Variants in FAAH2 observed in about 807,000 individuals in gnomAD.
FAAH2 encodes the protein fatty-acid amide hydrolase 2.
FAAH2 carries 60 observed loss-of-function variants against 36.9 expected under a neutral mutation model. The ratio of observed to expected loss-of-function variants is 1.63; its 90% CI spans 1.32 to 2.02. The LOEUF (loss-of-function observed/expected upper bound fraction) is 2.02. FAAH2 is among the 30% of genes most tolerant of loss of function. The pLI is 0.00. For synonymous variants in FAAH2, 214 were observed against 143.8 expected, an observed-to-expected ratio of 1.49 and a Z score of -3.49; for missense variants, 689 against 397.5, an observed-to-expected ratio of 1.73 and a Z score of -6.23.
At chrX:57,478,249 G>C (rs1372293803) in intron 10 of FAAH2, among the ~76,000 whole-genome samples, 2 of 111,877 alleles carry the variant, frequency 1.8e-5, no homozygotes, top group Non-Finnish European at 3.8e-5. Flanking sequence ...GTAATGGTGA[G>C]CATTTTTTCA....
At chrX:57,189,761 C>T in the FAAH2 span, among the ~76,000 whole-genome samples, 1 of 111,675 alleles carries the variant, frequency 9.0e-6, no homozygotes, top group Non-Finnish European at 1.9e-5. Context: ...CCTCTGGAAG[C>T]TTCATCCCAG....
chrX:57,193,713 A>C, the FAAH2 span, among the ~76,000 whole-genome samples: 1 of 111,932 alleles, frequency 8.9e-6, no homozygotes, highest in South Asian at 3.7e-4. Flanking sequence ...TATCGGGGGC[A>C]CATTCCCCGA....
chrX:57,170,049 C>A, the FAAH2 span, among the ~76,000 whole-genome samples: 2 of 111,687 alleles, frequency 1.8e-5, no homozygotes, highest in Non-Finnish European at 3.8e-5. Flanking sequence ...CGGCACACTG[C>A]AGCCTCAAAC....
chrX:57,322,588 T>C (rs1309608050), intron 3 of FAAH2, among the ~76,000 whole-genome samples: 1 of 111,656 alleles, frequency 9.0e-6, no homozygotes, highest in Non-Finnish European at 1.9e-5. Context: ...TATCCTGAAA[T>C]ATATTTTCTA....
the FAAH2 span, among the ~76,000 whole-genome samples, chrX:57,275,087 C>T: frequency 8.9e-6 from 1 of 111,826 alleles, no homozygotes; most frequent in Non-Finnish European, 1.9e-5. Context: ...GTGCAAAAAT[C>T]ACAGGCATTC....
At chrX:57,234,564 G>A in the FAAH2 span, among the ~76,000 whole-genome samples, 5 of 111,493 alleles carry the variant, frequency 4.5e-5, no homozygotes, top group Admixed American at 3.8e-4. Context: ...CCTGCAACTG[G>A]ACAGTCCCAT....
At chrX:57,358,006 T>C (rs1380410785) in intron 5 of FAAH2, among the ~76,000 whole-genome samples, 2 of 111,014 alleles carry the variant, frequency 1.8e-5, no homozygotes, top group African/African-American at 6.5e-5. Context: ...TATGCAGCCA[T>C]AAAAAAAGGA....
chrX:57,349,818 C>CA (rs778455297), intron 5 of FAAH2, among the ~76,000 whole-genome samples: 1 of 109,563 alleles, frequency 9.1e-6, no homozygotes, highest in East Asian at 2.9e-4. Flanking sequence ...GAGGATAGAT[C>CA]AAAGCTTAGA....
chrX:57,405,569 C>G (rs2055547812), intron 7 of FAAH2, among the ~76,000 whole-genome samples: 1 of 108,183 alleles, frequency 9.2e-6, no homozygotes, highest in Non-Finnish European at 1.9e-5. Flanking sequence ...TGGCGGCAAA[C>G]AGCAGTGGTG....
intron 7 of FAAH2, 148 bp from the exon 8 acceptor site, chrX:57,431,770 T>G: frequency 5.1e-6 from 1 of 196,059 alleles, no homozygotes; most frequent in African/African-American, 5.2e-5. Flanking sequence ...TTTGTTTTTT[T>G]GTTTTTTTGT....
intron 10 of FAAH2, among the ~76,000 whole-genome samples, chrX:57,457,314 C>T (rs890711003): frequency 1.8e-4 from 20 of 111,226 alleles, no homozygotes; most frequent in Middle Eastern, 4.6e-3. Flanking sequence ...ATAGTAAAAG[C>T]CATCTACGAC....
At chrX:57,371,657 A>C (rs868256796) in intron 5 of FAAH2, among the ~76,000 whole-genome samples, 1 of 108,664 alleles carries the variant, frequency 9.2e-6, no homozygotes, top group Admixed American at 9.9e-5. Context: ...GTTACTTTCA[A>C]CTTTTACTTC....
intron 2 of FAAH2, among the ~76,000 whole-genome samples, chrX:57,302,759 A>G (rs770028991): frequency 9.0e-6 from 1 of 111,353 alleles, no homozygotes; most frequent in African/African-American, 3.3e-5. Context: ...AAACCCTCTC[A>G]GACCTCAATA....
At position 57,381,038 on chromosome X, in the gene FAAH2, A is replaced by G; in HGVS notation, c.996+9A>G. The G allele has an allele frequency of 8.8e-7, 1 of 1,135,795 alleles. No individual in the cohort carries two copies. Among genetic ancestry groups the G allele is most frequent in the South Asian group, 2.0e-5 (1 of 50,647 alleles). The allele number at this position is 1,135,795 out of a possible 1,213,427, so 93.6% of individuals were successfully genotyped here. On this transcript the variant is annotated intron_variant, in intron 7 of 10. Coordinates refer to ENST00000374900, the MANE Select transcript of FAAH2 (RefSeq NM_174912.4). ...TTATGACTCAGAAAAAGGTAATTTTAAATAAAATTTGTTTAGGAATTATTT... is the reference window on the plus strand; with the variant it reads ...TTATGACTCAGAAAAAGGTAATTTTGAATAAAATTTGTTTAGGAATTATTT...
At chrX:57,362,287 G>T (rs2054304707) in intron 5 of FAAH2, among the ~76,000 whole-genome samples, 1 of 110,594 alleles carries the variant, frequency 9.0e-6, no homozygotes, top group Non-Finnish European at 1.9e-5. Flanking sequence ...TCACTCATAA[G>T]TGGGAGTTGA....
intron 3 of FAAH2, among the ~76,000 whole-genome samples, chrX:57,328,914 T>C (rs1215533685): frequency 9.0e-6 from 1 of 111,300 alleles, no homozygotes; most frequent in Non-Finnish European, 1.9e-5. Flanking sequence ...CTTTTGAAGG[T>C]TAGGAACCTT....
At chrX:57,334,733 G>A (rs1395173208) in intron 4 of FAAH2, among the ~76,000 whole-genome samples, 2 of 111,484 alleles carry the variant, frequency 1.8e-5, no homozygotes, top group Non-Finnish European at 1.9e-5. Flanking sequence ...ACACTACTTG[G>A]GAGGTGGCAG....
intron 3 of FAAH2, among the ~76,000 whole-genome samples, chrX:57,315,527 C>A (rs1173538984): frequency 9.0e-6 from 1 of 111,120 alleles, no homozygotes; most frequent in South Asian, 3.8e-4. Flanking sequence ...TCTAGCAAAC[C>A]AAATCCAGCA....
At chrX:57,488,554 G>A (rs1386835564) in intron 10 of FAAH2, among the ~76,000 whole-genome samples, 2 of 111,561 alleles carry the variant, frequency 1.8e-5, no homozygotes, top group South Asian at 3.7e-4. Context: ...GAAAAATAGT[G>A]ATAATTAATA....
Sources: allele counts gnomAD v4.1 joint callset (sites outside exome capture counted in the v4.1 genomes callset), GRCh38; gene constraint gnomAD v4.1.1; transcripts MANE v1.5; gene names NCBI Gene and HGNC (gene_info 2026-07-23, HGNC 2026-07-21).